SULF2: variants seen among roughly 807,000 people sequenced by gnomAD.
The protein encoded by SULF2 is sulfatase 2.
SULF2 carries 52 observed loss-of-function variants against 107.7 expected under a neutral mutation model. That is an observed-to-expected ratio of 0.48 (90% CI 0.39 to 0.61). SULF2 has a LOEUF of 0.61. Ranked by LOEUF, SULF2 falls within the 20% of genes least tolerant of loss-of-function variation. SULF2 has a pLI of 0.00. For missense variants in SULF2, 993 were observed against 1,177.3 expected (o/e 0.84, Z 2.29); for synonymous variants, 460 against 464.3 (o/e 0.99, Z 0.12).
At position 47,710,222 on chromosome 20, in the gene SULF2, G is replaced by A. The variant is rs901095377; in HGVS notation, c.416-7552C>T. Among the ~76,000 whole-genome samples the A allele has an allele frequency of 8.1e-5, 12 of 148,660 alleles. 1 individual carries two copies. The highest frequency in any genetic ancestry group is 1.8e-4 in the African/African-American group (7 of 38,162). ...CAGCCTAATGTTTTAATTTTTAGTA[G>A]AGATGGGGTGTCACTATGTTGCTCA... On this transcript the variant is annotated intron_variant, in intron 3 of 20. Coordinates refer to ENST00000688720, the MANE Select transcript of SULF2 (RefSeq NM_001387048.1).
chr20:47,665,866 G>T lies in SULF2; in HGVS notation c.1893C>A (p.Ile631=). ...CCCGCTCTCCACTCACCTCGTGGTC[G>T]ATGTGCAGCTTGTGGTCTTTCCAGG... The part of the protein sequence containing the change: ...LQAWKDHKLH[I]DHEIETLQNK... The change falls in exon 13 of 21, where the codon ATC becomes ATA. Residue 631 remains isoleucine (I), a synonymous_variant. Transcript: ENST00000688720. The T allele has an allele frequency of 6.2e-7, 1 of 1,613,862 alleles. No homozygotes were observed. The highest frequency in any genetic ancestry group is 2.2e-5 in the East Asian group (1 of 44,882).
At chr20:47,684,919 T>G in intron 5 of SULF2, 1 of 190,858 alleles carries the variant, frequency 5.2e-6, no homozygotes. Context: ...TCTCTAGACT[T>G]TGCTCGTCTT....
At chr20:47,770,213 A>G (rs992499326) in intron 1 of SULF2, among the ~76,000 whole-genome samples, 1 of 151,868 alleles carries the variant, frequency 6.6e-6, no homozygotes, top group African/African-American at 2.4e-5. Flanking sequence ...GGTGAGGACA[A>G]CCATGCCCGA....
intron 4 of SULF2, among the ~76,000 whole-genome samples, chr20:47,696,934 A>AACC (rs1237240204): frequency 1.3e-5 from 2 of 152,168 alleles, no homozygotes; most frequent in Admixed American, 6.5e-5. Context: ...ACAGAGCTAC[A>AACC]ACCAGCTGCT....
chr20:47,659,135 T>G (rs1325238218), intron 20 of SULF2, among the ~76,000 whole-genome samples: 1 of 152,200 alleles, frequency 6.6e-6, no homozygotes, highest in African/African-American at 2.4e-5. Flanking sequence ...TTTAAATGCT[T>G]CTCAACCTCT....
At chr20:47,659,578 G>T in intron 19 of SULF2, 119 bp downstream of exon 19, 1 of 1,355,876 alleles carries the variant, frequency 7.4e-7, no homozygotes, top group Non-Finnish European at 1.1e-6. Context: ...CCTGGTCTCG[G>T]GCAGACCAGA....
At chr20:47,659,317 A>G (rs2086991801) in intron 20 of SULF2, 82 bp downstream of exon 20, 1 of 1,262,280 alleles carries the variant, frequency 7.9e-7, no homozygotes, top group Non-Finnish European at 1.2e-6. Flanking sequence ...GTATGTAAGA[A>G]ATGGCATGCA....
At chr20:47,684,617 G>A (rs190304194) in intron 5 of SULF2, 36 bp from the exon 6 acceptor site, 194 of 1,602,678 alleles carry the variant, frequency 1.2e-4, no homozygotes, top group Non-Finnish European at 1.6e-4. Context: ...GTCAAACCCA[G>A]GGACAGCCTG....
At chr20:47,727,868 A>G (rs1162267240) in intron 3 of SULF2, among the ~76,000 whole-genome samples, 7 of 152,328 alleles carry the variant, frequency 4.6e-5, no homozygotes, top group African/African-American at 1.7e-4. Context: ...CAAGTGCTTC[A>G]CTTATTTTGA....
chr20:47,700,770 C>T (rs570483555), intron 4 of SULF2, among the ~76,000 whole-genome samples: 4 of 152,020 alleles, frequency 2.6e-5, no homozygotes, highest in African/African-American at 7.2e-5. Context: ...CTCAGCCTCC[C>T]GAGTAACTGG....
At chr20:47,740,452 C>G (rs1461813131) in intron 2 of SULF2, among the ~76,000 whole-genome samples, 2 of 152,144 alleles carry the variant, frequency 1.3e-5, no homozygotes, top group Admixed American at 6.5e-5. Context: ...GTGGTGACTT[C>G]ATCAGGCACA....
At chr20:47,692,881 A>C (rs1426362660) in intron 4 of SULF2, among the ~76,000 whole-genome samples, 1 of 152,264 alleles carries the variant, frequency 6.6e-6, no homozygotes, top group Non-Finnish European at 1.5e-5. Flanking sequence ...TCAAACTCAG[A>C]AACATTCTAT....
intron 4 of SULF2, among the ~76,000 whole-genome samples, chr20:47,699,540 T>TA (rs137922306): frequency 0.072 from 10,921 of 151,628 alleles, 393 homozygotes; most frequent in South Asian, 0.083. Context: ...CTCTTAGGAG[T>TA]ACGTAGCATG....
intron 1 of SULF2, among the ~76,000 whole-genome samples, chr20:47,782,777 T>C (rs1253356393): frequency 6.7e-6 from 1 of 148,714 alleles, no homozygotes; most frequent in Non-Finnish European, 1.5e-5. Flanking sequence ...GGCAGACACA[T>C]GTTTTCCTTG....
chr20:47,755,600 G>A (rs1359527946), intron 2 of SULF2, among the ~76,000 whole-genome samples: 1 of 152,066 alleles, frequency 6.6e-6, no homozygotes, highest in Admixed American at 6.5e-5. Context: ...AGGTGGGACC[G>A]CATCTCAGCA....
intron 10 of SULF2, 22 bp from the exon 11 acceptor site, chr20:47,672,415 C>A: frequency 6.4e-7 from 1 of 1,553,662 alleles, no homozygotes; most frequent in East Asian, 2.4e-5. Context: ...GCCAGGGCCT[C>A]GGCCAGCTGC....
intron 6 of SULF2, 104 bp from the exon 7 acceptor site, chr20:47,683,273 T>C: frequency 8.3e-7 from 1 of 1,199,252 alleles, no homozygotes; most frequent in Non-Finnish European, 1.1e-6. Context: ...GTCCCTCCCC[T>C]GCTTCAGGTC....
At chr20:47,737,751 C>CTTTTTTTT (rs1568881263) in intron 2 of SULF2, among the ~76,000 whole-genome samples, 1 of 95,024 alleles carries the variant, frequency 1.1e-5, no homozygotes, top group Non-Finnish European at 2.0e-5. Flanking sequence ...TCTTTCTTTT[C>CTTTTTTTT]TTTGTTTTTT....
rs1168747134 is a variant in SULF2, at chr20:47,657,465, G to A, written c.*897C>T. On this transcript the variant is annotated 3_prime_UTR_variant, in exon 21 of 21. Transcript: ENST00000688720. ...TTCTTCATACCAACTGCTGGTCATT[G>A]GCTGGGGTTTTGAACACTGTATGAC... 1 of 152,092 alleles carries A rather than the reference G, an allele frequency of 6.6e-6. No individual in the cohort carries two copies. Among genetic ancestry groups the A allele is most frequent in the Non-Finnish European group, 1.5e-5 (1 of 68,016 alleles). The allele number at this position is 152,092 out of a possible 1,614,324, so 9.4% of individuals were successfully genotyped here.
Sources: gnomAD v4.1 joint callset for allele counts (sites outside exome capture counted in the v4.1 genomes callset) on GRCh38, gnomAD v4.1.1 for gene constraint, MANE v1.5 for transcripts, NCBI Gene and HGNC (gene_info 2026-07-23, HGNC 2026-07-21) for gene names.